CCDC60: variants seen among roughly 807,000 people sequenced by gnomAD.
CCDC60 encodes the protein coiled-coil domain-containing protein 60.
In CCDC60, 54 loss-of-function variants were observed where a neutral mutation model predicts 63.5. The observed-to-expected ratio is 0.85, with a 90% CI of 0.68 to 1.07. The LOEUF is 1.07. Among genes scored for constraint, CCDC60 ranks in the 50% least tolerant of loss-of-function variants. The pLI is 0.00. For missense variants in CCDC60, 651 were observed against 684.3 expected (o/e 0.95, Z 0.54); for synonymous variants, 206 against 238.8 (o/e 0.86, Z 1.27).
intron 1 of CCDC60, among the ~76,000 whole-genome samples, chr12:119,344,927 T>C (rs1370305892): frequency 1.3e-5 from 2 of 148,462 alleles, no homozygotes; most frequent in Middle Eastern, 3.2e-3. Context: ...CAATGTCAGC[T>C]TTAATATCAC....
At position 119,400,078 on chromosome 12, in the gene CCDC60, C is replaced by T. The variant is rs111827755; in HGVS notation, c.91-28605C>T. 6.5e-3 allele frequency among the ~76,000 whole-genome samples: 851 copies of T among 131,732 alleles called. 4 individuals are homozygous for T. The highest frequency in any genetic ancestry group is 0.011 in the Non-Finnish European group (686 of 64,194). The allele number at this position is 131,732 out of a possible 152,430, so 86.4% of individuals were successfully genotyped here. A position where few individuals can be genotyped will look rare whatever the true frequency, so the allele number is the denominator to read the frequency against. On this transcript the variant is annotated intron_variant, in intron 1 of 13. Transcript: ENST00000327554. ...TTTTTTTTTTTTTTTGAGACGGAGT[C>T]TCACTCTGTCGCCCAGGCTGGAGTG...
chr12:119,435,540 C>T (rs1211769236), intron 2 of CCDC60, among the ~76,000 whole-genome samples: 1 of 152,136 alleles, frequency 6.6e-6, no homozygotes, highest in Non-Finnish European at 1.5e-5. Context: ...TTGCAAATCC[C>T]CAGGGTCTAG....
rs543330015 is a variant in CCDC60, at chr12:119,387,034, T to TCTCTCACA, written c.91-41648_91-41647insTCTCACAC. Reference sequence around the variant, plus strand: ...CTCCCTCCCTCCCCCTCTGTCTCTCTCACACACACACACACACACACACAC... The same window carrying TCTCTCACA: ...CTCCCTCCCTCCCCCTCTGTCTCTCTCTCTCACACACACACACACACACACACACACAC... On this transcript the variant is annotated intron_variant, in intron 1 of 13. Transcript: ENST00000327554. Among the ~76,000 whole-genome samples, 337 of 105,426 alleles carry TCTCTCACA rather than the reference T, an allele frequency of 3.2e-3. 2 individuals carry two copies. The highest frequency in any genetic ancestry group is 0.017 in the Middle Eastern group (4 of 238). The allele number at this position is 105,426 out of a possible 152,430, so 69.2% of individuals were successfully genotyped here.
At chr12:119,409,964 C>T (rs1000725259) in intron 1 of CCDC60, among the ~76,000 whole-genome samples, 3 of 152,194 alleles carry the variant, frequency 2.0e-5, no homozygotes, top group East Asian at 1.9e-4. Context: ...GAGCTCCAAT[C>T]CATGCATTAA....
At chr12:119,434,344 T>A (rs1184007379) in intron 2 of CCDC60, among the ~76,000 whole-genome samples, 1 of 151,134 alleles carries the variant, frequency 6.6e-6, no homozygotes. Flanking sequence ...TACTCATTCA[T>A]TTTTTTTTGA....
At chr12:119,369,354 G>A (rs531118628) in intron 1 of CCDC60, among the ~76,000 whole-genome samples, 1 of 152,332 alleles carries the variant, frequency 6.6e-6, no homozygotes. Context: ...CAAGTGGAGA[G>A]CTGACAAACA....
intron 3 of CCDC60, among the ~76,000 whole-genome samples, chr12:119,476,247 A>T (rs2136336836): frequency 6.6e-6 from 1 of 152,290 alleles, no homozygotes; most frequent in East Asian, 1.9e-4. Context: ...TCAGCTGAAA[A>T]GGTGGAAAAA....
chr12:119,364,372 A>G (rs974020423), intron 1 of CCDC60, among the ~76,000 whole-genome samples: 3 of 152,188 alleles, frequency 2.0e-5, no homozygotes, highest in Non-Finnish European at 4.4e-5. Context: ...ATTTGAAGTC[A>G]ATCCCCTCCT....
chr12:119,437,107 T>A (rs1174173844), intron 2 of CCDC60, among the ~76,000 whole-genome samples: 1 of 152,208 alleles, frequency 6.6e-6, no homozygotes, highest in East Asian at 1.9e-4. Flanking sequence ...ACCAGCCCTA[T>A]TTCTTGGGCT....
At position 119,441,153 on chromosome 12, in the gene CCDC60, A is replaced by G. The variant is rs141523866; in HGVS notation, c.170+12391A>G. Among the ~76,000 whole-genome samples the G allele has an allele frequency of 9.1e-3, 1,379 of 152,304 alleles. 22 individuals are homozygous for G. The highest frequency in any genetic ancestry group is 0.031 in the African/African-American group (1,292 of 41,554). ...AAACTTGGAGGTCCATGTTTTAGGG[A>G]CAGCTGAAGCAAACATGATACAGGG... On this transcript the variant is annotated intron_variant, in intron 2 of 13. Coordinates refer to ENST00000327554, the MANE Select transcript of CCDC60 (RefSeq NM_178499.5).
chr12:119,521,080 A>G (rs1340158437), intron 9 of CCDC60, among the ~76,000 whole-genome samples: 1 of 152,250 alleles, frequency 6.6e-6, no homozygotes, highest in Admixed American at 6.5e-5. Context: ...AGAAATTCGT[A>G]GTAATCTAGA....
intron 6 of CCDC60, among the ~76,000 whole-genome samples, chr12:119,503,928 C>T (rs986654753): frequency 6.6e-6 from 1 of 152,148 alleles, no homozygotes; most frequent in Non-Finnish European, 1.5e-5. Flanking sequence ...CCAGTCTATC[C>T]ATCAAGAGCT....
At chr12:119,434,951 T>TA (rs1449577204) in intron 2 of CCDC60, among the ~76,000 whole-genome samples, 1 of 152,180 alleles carries the variant, frequency 6.6e-6, no homozygotes, top group East Asian at 1.9e-4. Context: ...TCTGATTTTT[T>TA]AAAAGAGCAT....
chr12:119,349,645 G>A (rs1345492661), intron 1 of CCDC60, among the ~76,000 whole-genome samples: 5 of 152,132 alleles, frequency 3.3e-5, no homozygotes, highest in South Asian at 2.1e-4. Context: ...GGCCCAGGGC[G>A]TGTTTCAAGG....
At chr12:119,385,581 CTA>C (rs1247896048) in intron 1 of CCDC60, among the ~76,000 whole-genome samples, 1 of 152,252 alleles carries the variant, frequency 6.6e-6, no homozygotes, top group Admixed American at 6.5e-5. Context: ...CCATGTGGAA[CTA>C]TGAGTCCATT....
chr12:119,476,052 C>T (rs1187843091), intron 3 of CCDC60, among the ~76,000 whole-genome samples: 1 of 152,070 alleles, frequency 6.6e-6, no homozygotes, highest in Non-Finnish European at 1.5e-5. Flanking sequence ...TCTTGTGCAT[C>T]ATAAAAGCGA....
rs138623924 is a variant in CCDC60, at chr12:119,376,485, A to C, written c.90+41219A>C. Among the ~76,000 whole-genome samples, 653 of 152,216 alleles carry C rather than the reference A, an allele frequency of 4.3e-3. 4 individuals are homozygous for C. Among genetic ancestry groups the C allele is most frequent in the African/African-American group, 0.014 (591 of 41,538 alleles). On this transcript the variant is annotated intron_variant, in intron 1 of 13. Transcript: ENST00000327554. ...TCTACAAAAAATACAAAAATTTGTC[A>C]GGCATGGTGGCACGCACCTGTAGTC...
At chr12:119,373,264 A>C (rs1955916248) in intron 1 of CCDC60, among the ~76,000 whole-genome samples, 1 of 152,184 alleles carries the variant, frequency 6.6e-6, no homozygotes, top group Non-Finnish European at 1.5e-5. Flanking sequence ...AGCACATAGC[A>C]TTTACTCAAT....
chr12:119,340,234 A>AG (rs1358882739), intron 1 of CCDC60, among the ~76,000 whole-genome samples: 1 of 152,170 alleles, frequency 6.6e-6, no homozygotes, highest in Non-Finnish European at 1.5e-5. Context: ...TCCCCATCAA[A>AG]GGGGTGTTGT....
Sources: gnomAD v4.1 joint callset for allele counts (sites outside exome capture counted in the v4.1 genomes callset) on GRCh38, gnomAD v4.1.1 for gene constraint, MANE v1.5 for transcripts, NCBI Gene and HGNC (gene_info 2026-07-23, HGNC 2026-07-21) for gene names.